The following ZMYM2 variants were observed in gnomAD, a reference collection of about 807,000 sequenced individuals.
The protein encoded by ZMYM2 is zinc finger MYM-type containing 2, also known as zinc finger MYM-type protein 2.
Under a neutral mutation model 162.8 loss-of-function variants are expected in ZMYM2, and 56 were observed. That is an observed-to-expected ratio of 0.34 (90% CI 0.28 to 0.43). The LOEUF is 0.43. Among genes scored for constraint, ZMYM2 ranks in the 20% least tolerant of loss-of-function variants. ZMYM2 has a pLI of 1.00. For synonymous variants in ZMYM2, 510 were observed against 541.6 expected, an observed-to-expected ratio of 0.94 and a Z score of 0.81; for missense variants, 1,275 against 1,621.8, an observed-to-expected ratio of 0.79 and a Z score of 3.67.
In ZMYM2 at chr13:20,060,033, C is replaced by CA. The variant is rs532555625; in HGVS notation, c.2739+479dup. On this transcript the variant is annotated intron_variant, in intron 16 of 24. Transcript: ENST00000610343. ...TGGTCTACAAAGCAAGTCCTTATCT[C>CA]AAAAAAAATGAAAATAAAAAATTAT... Among the ~76,000 whole-genome samples, 27 of 151,542 alleles carry CA rather than the reference C, an allele frequency of 1.8e-4. No homozygotes were observed. In the East Asian group the frequency reaches 4.7e-3, roughly 26 times the overall value.
Position 20,064,436 on chromosome 13 carries a change from T to A in ZMYM2, c.3038-15T>A. 1 of 1,575,414 alleles carries A rather than the reference T, an allele frequency of 6.3e-7. No homozygotes were observed. The highest frequency in any genetic ancestry group is 8.6e-7 in the Non-Finnish European group (1 of 1,159,280). On this transcript the variant is annotated splice_polypyrimidine_tract_variant and intron_variant, in intron 18 of 24. Transcript: ENST00000610343. ...GCTATTTCATTTAAAATAAAAGTTC[T>A]GATTTGGTTGTCAGCTGCTGAGGAG...
chr13:20,031,291 G>A (rs2140308639), intron 9 of ZMYM2, 28 bp from the exon 10 acceptor site: 2 of 1,492,354 alleles, frequency 1.3e-6, no homozygotes, highest in East Asian at 4.6e-5. Context: ...TACATGTCAG[G>A]CTTAGTATCT....
chr13:20,030,032 C>T (rs999850735), intron 9 of ZMYM2, among the ~76,000 whole-genome samples: 11 of 151,760 alleles, frequency 7.2e-5, no homozygotes, highest in African/African-American at 2.4e-4. Flanking sequence ...TGACTTCCAG[C>T]GATCCGCCTG....
At chr13:19,934,745 G>C in the ZMYM2 span, among the ~76,000 whole-genome samples, 1 of 138,102 alleles carries the variant, frequency 7.2e-6, no homozygotes, top group Admixed American at 8.4e-5. Context: ...CCTTCAAAGA[G>C]CATTTTCTTT....
intron 21 of ZMYM2, among the ~76,000 whole-genome samples, chr13:20,079,565 G>C (rs1299071383): frequency 6.6e-6 from 1 of 152,120 alleles, no homozygotes; most frequent in Non-Finnish European, 1.5e-5. Context: ...GTATAGATTA[G>C]ATGTTTGTAA....
chr13:19,916,241 G>C, the ZMYM2 span, among the ~76,000 whole-genome samples: 1 of 152,068 alleles, frequency 6.6e-6, no homozygotes, highest in Non-Finnish European at 1.5e-5. Flanking sequence ...TGGAGAAATA[G>C]GAACGCTTTT....
chr13:19,960,897 C>T (rs942777393), intron 2 of ZMYM2, among the ~76,000 whole-genome samples: 2 of 152,166 alleles, frequency 1.3e-5, no homozygotes, highest in Non-Finnish European at 2.9e-5. Flanking sequence ...GAGTTATTTA[C>T]GCTTAAGTAT....
the ZMYM2 span, among the ~76,000 whole-genome samples, chr13:19,884,578 A>AG: frequency 6.6e-6 from 1 of 152,080 alleles, no homozygotes; most frequent in African/African-American, 2.4e-5. Context: ...TGTATCAAAA[A>AG]GAAAAAAAAA....
At chr13:20,000,974 A>T (rs187723831) in intron 3 of ZMYM2, among the ~76,000 whole-genome samples, 241 of 152,378 alleles carry the variant, frequency 1.6e-3, no homozygotes, top group Non-Finnish European at 2.4e-3. Flanking sequence ...AAACAGCATT[A>T]TTAACCAGAG....
rs546468191 is a variant in ZMYM2 at position 20,034,195 on chromosome 13, C to T, written c.1969-59C>T. On this transcript the variant is annotated intron_variant, in intron 10 of 24. Transcript: ENST00000610343. Reference sequence around the variant, plus strand: ...TTTAACTTTGCTTCTGTAAAAGTGGCGTGTTTATTTCTTAAGCTTGTCGTC... The same window carrying T: ...TTTAACTTTGCTTCTGTAAAAGTGGTGTGTTTATTTCTTAAGCTTGTCGTC... 6.6e-5 allele frequency: 38 copies of T among 572,332 alleles called. 1 individual carries two copies. The South Asian group carries it at 1.2e-3, about 18-fold the overall frequency. 35.5% of individuals were successfully genotyped at this position (572,332 alleles called of 1,614,324 possible).
At chr13:19,907,720 C>A in the ZMYM2 span, among the ~76,000 whole-genome samples, 1 of 126,086 alleles carries the variant, frequency 7.9e-6, no homozygotes, top group African/African-American at 3.0e-5. Context: ...CGAGATTGTG[C>A]CACTGCACTC....
At chr13:19,999,666 G>T (rs1038691115) in intron 3 of ZMYM2, among the ~76,000 whole-genome samples, 2 of 152,186 alleles carry the variant, frequency 1.3e-5, no homozygotes, top group Non-Finnish European at 2.9e-5. Flanking sequence ...GCTTAGTGAG[G>T]AATGCATGTT....
At chr13:19,984,712 C>T (rs531125567) in intron 2 of ZMYM2, among the ~76,000 whole-genome samples, 3 of 152,240 alleles carry the variant, frequency 2.0e-5, no homozygotes, top group East Asian at 3.9e-4. Flanking sequence ...AACATTATTT[C>T]TATGATATGT....
At chr13:20,042,930 G>A (rs1167879315) in intron 12 of ZMYM2, among the ~76,000 whole-genome samples, 1 of 151,962 alleles carries the variant, frequency 6.6e-6, no homozygotes, top group East Asian at 1.9e-4. Flanking sequence ...CACCATGTTG[G>A]CCAAACTGGT....
chr13:19,912,610 A>G, the ZMYM2 span, among the ~76,000 whole-genome samples: 1 of 152,136 alleles, frequency 6.6e-6, no homozygotes, highest in African/African-American at 2.4e-5. Flanking sequence ...CTGGGATTAC[A>G]GGCATGAGCC....
intron 12 of ZMYM2, among the ~76,000 whole-genome samples, chr13:20,051,001 T>C (rs552184086): frequency 1.7e-3 from 266 of 152,198 alleles, no homozygotes; most frequent in Non-Finnish European, 3.0e-3. Flanking sequence ...AAATTTCCCA[T>C]CATAAGAGCT....
At chr13:19,882,607 C>G in the ZMYM2 span, among the ~76,000 whole-genome samples, 3 of 151,940 alleles carry the variant, frequency 2.0e-5, no homozygotes, top group African/African-American at 7.3e-5. Flanking sequence ...ATTCGCAGGG[C>G]ATGGTGTCAT....
chr13:19,958,519 G>A (rs534704946), upstream of ZMYM2, among the ~76,000 whole-genome samples: 20 of 152,158 alleles, frequency 1.3e-4, 1 homozygote, highest in East Asian at 3.9e-3. Context: ...GGCCGGCGGA[G>A]GCGGGAGTGG....
chr13:19,892,827 G>A, the ZMYM2 span, among the ~76,000 whole-genome samples: 1 of 150,768 alleles, frequency 6.6e-6, no homozygotes, highest in Non-Finnish European at 1.5e-5. Context: ...CGATTCTCCT[G>A]CCTCAGCCTC....
Sources: gnomAD v4.1 joint callset for allele counts (sites outside exome capture counted in the v4.1 genomes callset) on GRCh38, gnomAD v4.1.1 for gene constraint, MANE v1.5 for transcripts, NCBI Gene and HGNC (gene_info 2026-07-23, HGNC 2026-07-21) for gene names.